Variants in FAT3 observed in about 807,000 individuals in gnomAD.
FAT3 encodes the protein FAT atypical cadherin 3, also known as protocadherin Fat 3.
Under a neutral mutation model 310.2 loss-of-function variants are expected in FAT3, and 95 were observed. The ratio of observed to expected loss-of-function variants is 0.31; its 90% CI spans 0.26 to 0.36. FAT3 has a LOEUF of 0.36. Among genes scored for constraint, FAT3 ranks in the 10% least tolerant of loss-of-function variants. The pLI, the probability that FAT3 is intolerant of heterozygous loss-of-function variation, is 1.00. For synonymous variants in FAT3, 2,314 were observed against 2,192.9 expected (o/e 1.06, Z -1.54); for missense variants, 5,408 against 5,715.6 (o/e 0.95, Z 1.74).
At chr11:92,831,510 A>G in intron 13 of FAT3, 112 bp from the exon 14 acceptor site, 4 of 864,724 alleles carry the variant, frequency 4.6e-6, no homozygotes, top group East Asian at 5.4e-5. Context: ...CTGTTTCTGT[A>G]ATAACTATTT....
intron 7 of FAT3, among the ~76,000 whole-genome samples, chr11:92,774,881 A>G (rs1040659590): frequency 1.3e-5 from 2 of 152,224 alleles, no homozygotes; most frequent in African/African-American, 4.8e-5. Flanking sequence ...CAGGAGGAAA[A>G]GAAAATCTTT....
intron 2 of FAT3, among the ~76,000 whole-genome samples, chr11:92,519,496 C>T (rs1953611253): frequency 6.6e-6 from 1 of 151,820 alleles, no homozygotes; most frequent in African/African-American, 2.4e-5. Flanking sequence ...GATACAATAC[C>T]AAAACATGAC....
At chr11:92,658,990 C>T (rs1299141306) in intron 3 of FAT3, among the ~76,000 whole-genome samples, 1 of 152,060 alleles carries the variant, frequency 6.6e-6, no homozygotes, top group Non-Finnish European at 1.5e-5. Flanking sequence ...TTCCTGGCCC[C>T]TTTTCAGTTC....
At chr11:92,572,653 T>C (rs1938243184) in intron 3 of FAT3, among the ~76,000 whole-genome samples, 1 of 152,190 alleles carries the variant, frequency 6.6e-6, no homozygotes, top group South Asian at 2.1e-4. Context: ...AGGATTAAAA[T>C]GACTGTGTAC....
chr11:92,450,248 T>G (rs1489082388), intron 2 of FAT3, among the ~76,000 whole-genome samples: 1 of 152,230 alleles, frequency 6.6e-6, no homozygotes, highest in Non-Finnish European at 1.5e-5. Context: ...TGTTTAATAT[T>G]TAAAATTAAC....
At position 92,564,849 on chromosome 11, in the gene FAT3, A is replaced by G. The variant is rs867783405; in HGVS notation, c.3607+39901A>G. On this transcript the variant is annotated intron_variant, in intron 3 of 27. Transcript: ENST00000525166. Reference sequence around the variant, plus strand: ...TTCTTTGAAACCAACGAGAACAAAGACACAACATACCAGAATCTCTGGGAC... The same window carrying G: ...TTCTTTGAAACCAACGAGAACAAAGGCACAACATACCAGAATCTCTGGGAC... 5.2e-3 allele frequency among the ~76,000 whole-genome samples: 750 copies of G among 143,962 alleles called. 1 individual carries two copies. Among genetic ancestry groups the G allele is most frequent in the Non-Finnish European group, 8.8e-3 (578 of 65,672 alleles). 94.4% of individuals were successfully genotyped at this position (143,962 alleles called of 152,430 possible).
chr11:92,861,182 A>G (rs1172384539), intron 21 of FAT3, among the ~76,000 whole-genome samples: 1 of 152,216 alleles, frequency 6.6e-6, no homozygotes, highest in African/African-American at 2.4e-5. Flanking sequence ...TGTTTGGAGC[A>G]TTCAGAGCTA....
At chr11:92,337,051 C>T (rs535172206) in intron 1 of FAT3, among the ~76,000 whole-genome samples, 11 of 152,264 alleles carry the variant, frequency 7.2e-5, no homozygotes, top group African/African-American at 1.4e-4. Context: ...TGTAAACATC[C>T]GCTGAAGTTC....
At chr11:92,235,642 A>C (rs1444546134) in intron 1 of FAT3, among the ~76,000 whole-genome samples, 1 of 152,234 alleles carries the variant, frequency 6.6e-6, no homozygotes, top group Non-Finnish European at 1.5e-5. Flanking sequence ...CCAAATATTG[A>C]AAAATATCTC....
chr11:92,881,270 C>A lies in FAT3; in HGVS notation c.12281+386C>A, dbSNP rs544629918. ...ACTCTACGGCCTATTGTTTTTTGATCATTCTGAGATACTGAAACTTACCTT... is the reference window on the plus strand; with the variant it reads ...ACTCTACGGCCTATTGTTTTTTGATAATTCTGAGATACTGAAACTTACCTT... On this transcript the variant is annotated intron_variant, in intron 23 of 27. Transcript: ENST00000525166. Among the ~76,000 whole-genome samples, 3 of 152,232 alleles carry A rather than the reference C, an allele frequency of 2.0e-5. No individual in the cohort carries two copies. In the East Asian group the frequency reaches 5.8e-4, roughly 29 times the overall value.
At chr11:92,446,301 C>A (rs1252895320) in intron 2 of FAT3, among the ~76,000 whole-genome samples, 5 of 152,092 alleles carry the variant, frequency 3.3e-5, no homozygotes, top group Admixed American at 2.6e-4. Flanking sequence ...TCCCATTTTA[C>A]AGGTGAGGAA....
At chr11:92,533,636 G>C (rs779185232) in intron 3 of FAT3, among the ~76,000 whole-genome samples, 12 of 152,284 alleles carry the variant, frequency 7.9e-5, no homozygotes, top group Non-Finnish European at 1.3e-4. Flanking sequence ...TAAATGATAA[G>C]AGCATAAGAG....
At chr11:92,805,117 A>C (rs1398181070) in intron 10 of FAT3, 36 bp from the exon 11 acceptor site, 1 of 1,592,812 alleles carries the variant, frequency 6.3e-7, no homozygotes, top group Admixed American at 1.7e-5. Context: ...ATTTCATTGC[A>C]CATCTTCAAA....
At chr11:92,491,985 A>G (rs560933947) in intron 2 of FAT3, among the ~76,000 whole-genome samples, 1 of 152,050 alleles carries the variant, frequency 6.6e-6, no homozygotes, top group South Asian at 2.1e-4. Context: ...TGCGTGGTCT[A>G]TATTCCAAAG....
At chr11:92,468,659 A>G (rs913507818) in intron 2 of FAT3, among the ~76,000 whole-genome samples, 34 of 152,314 alleles carry the variant, frequency 2.2e-4, no homozygotes, top group Non-Finnish European at 7.4e-5. Context: ...GGGAGGCCTC[A>G]GGAAACTTAC....
At chr11:92,803,495 A>G (rs1196568510) in intron 10 of FAT3, among the ~76,000 whole-genome samples, 1 of 152,228 alleles carries the variant, frequency 6.6e-6, no homozygotes, top group Admixed American at 6.5e-5. Context: ...ATAATATTCA[A>G]CTAAAGCATA....
intron 3 of FAT3, among the ~76,000 whole-genome samples, chr11:92,605,841 CT>C (rs1179482641): frequency 6.6e-6 from 1 of 151,194 alleles, no homozygotes; most frequent in Non-Finnish European, 1.5e-5. Context: ...TCTTCTGCCC[CT>C]GGTTCAGTGA....
chr11:92,701,905 C>A (rs1044992811), intron 4 of FAT3, among the ~76,000 whole-genome samples: 2 of 151,970 alleles, frequency 1.3e-5, no homozygotes, highest in Non-Finnish European at 2.9e-5. Context: ...GGTTTTCTTT[C>A]CTTGTTTTTT....
intron 2 of FAT3, among the ~76,000 whole-genome samples, chr11:92,502,262 G>A (rs1218409271): frequency 6.6e-6 from 1 of 152,026 alleles, no homozygotes; most frequent in Non-Finnish European, 1.5e-5. Context: ...CCATAACCTG[G>A]AGATGAAGCA....
Sources: allele counts gnomAD v4.1 joint callset (sites outside exome capture counted in the v4.1 genomes callset), GRCh38; gene constraint gnomAD v4.1.1; transcripts MANE v1.5; gene names NCBI Gene and HGNC (gene_info 2026-07-23, HGNC 2026-07-21).